The following SLC36A1 variants were observed in gnomAD, a reference collection of about 807,000 sequenced individuals.
SLC36A1 encodes proton-coupled amino acid transporter 1.
A neutral mutation model predicts 47.5 loss-of-function variants in SLC36A1; 30 were observed. The observed-to-expected ratio is 0.63, with a 90% confidence interval of 0.47 to 0.86. SLC36A1 has a LOEUF of 0.86. SLC36A1 is among the 40% of genes least tolerant of loss of function. The pLI is 0.00. For synonymous variants in SLC36A1, 255 were observed against 249.7 expected (o/e 1.02, Z -0.20); for missense variants, 517 against 606.0 (o/e 0.85, Z 1.54).
At chr5:151,353,348 T>C in the SLC36A1 span, among the ~76,000 whole-genome samples, 19 of 152,192 alleles carry the variant, frequency 1.2e-4, no homozygotes, top group Admixed American at 1.2e-3. Flanking sequence ...ATCTAAAATA[T>C]GGTTCCCAGT....
At chr5:151,526,079 G>A in the SLC36A1 span, 1 of 995,048 alleles carries the variant, frequency 1.0e-6, no homozygotes, top group East Asian at 2.6e-5. Context: ...ACTGCTTGTA[G>A]ATGGTGCCTG....
the SLC36A1 span, chr5:151,414,647 T>G: frequency 6.6e-6 from 1 of 152,136 alleles, no homozygotes; most frequent in Non-Finnish European, 1.5e-5. Context: ...CTGGGCTATC[T>G]CGTGCCATCT....
chr5:151,470,322 C>T (rs1757140410), intron 7 of SLC36A1, among the ~76,000 whole-genome samples: 1 of 152,220 alleles, frequency 6.6e-6, no homozygotes, highest in South Asian at 2.1e-4. Context: ...GGTAGTCGGG[C>T]TGTGGTGGTT....
chr5:151,478,781 T>C (rs1275896734), intron 9 of SLC36A1, among the ~76,000 whole-genome samples: 4 of 152,138 alleles, frequency 2.6e-5, no homozygotes, highest in Non-Finnish European at 5.9e-5. Flanking sequence ...TTGAGATGTT[T>C]AGTGTATGAT....
chr5:151,516,220 T>C, the SLC36A1 span, among the ~76,000 whole-genome samples: 1 of 152,136 alleles, frequency 6.6e-6, no homozygotes, highest in Admixed American at 6.5e-5. Flanking sequence ...ATTGTAAAAT[T>C]GTAACTCCGG....
intron 1 of SLC36A1, among the ~76,000 whole-genome samples, chr5:151,449,616 C>T (rs896911750): frequency 6.6e-6 from 1 of 152,128 alleles, no homozygotes; most frequent in African/African-American, 2.4e-5. Context: ...AAAAGGGATT[C>T]CATTTATTTT....
chr5:151,430,331 AT>A, the SLC36A1 span, among the ~76,000 whole-genome samples: 2,781 of 117,446 alleles, frequency 0.024, 59 homozygotes, highest in African/African-American at 0.058. Flanking sequence ...CACCTGGCTA[AT>A]TTTTTTTTTT....
At chr5:151,554,795 T>C in the SLC36A1 span, 1 of 759,100 alleles carries the variant, frequency 1.3e-6, no homozygotes, top group South Asian at 1.8e-5. Context: ...TTTATTATCA[T>C]AACTTCACCT....
chr5:151,552,933 C>G, the SLC36A1 span, among the ~76,000 whole-genome samples: 1 of 152,240 alleles, frequency 6.6e-6, no homozygotes, highest in Non-Finnish European at 1.5e-5. Flanking sequence ...AACTGAGGCA[C>G]TGCCAACTCT....
chr5:151,534,504 G>A, the SLC36A1 span: 1 of 1,614,068 alleles, frequency 6.2e-7, no homozygotes, highest in South Asian at 1.1e-5. Context: ...GAAGAACCGC[G>A]GGGCATTGTC....
intron 7 of SLC36A1, among the ~76,000 whole-genome samples, chr5:151,471,556 A>G (rs1757312687): frequency 1.3e-5 from 2 of 152,166 alleles, no homozygotes; most frequent in African/African-American, 2.4e-5. Context: ...TACATTTGTG[A>G]CTCAGGAATA....
At chr5:151,476,819 G>A (rs1279076818) in intron 9 of SLC36A1, 63 bp downstream of exon 9, 4 of 1,578,628 alleles carry the variant, frequency 2.5e-6, no homozygotes, top group Non-Finnish European at 3.5e-6. Flanking sequence ...ATGGGTCACA[G>A]TGTGGATTCT....
the SLC36A1 span, among the ~76,000 whole-genome samples, chr5:151,349,735 C>A: frequency 6.6e-6 from 1 of 152,162 alleles, no homozygotes; most frequent in African/African-American, 2.4e-5. Context: ...CTCCTATGAT[C>A]CTTTAGAGTA....
At chr5:151,445,636 G>A (rs10067717), upstream of SLC36A1, among the ~76,000 whole-genome samples, 5,633 of 152,306 alleles carry the variant, frequency 0.037, 311 homozygotes, top group African/African-American at 0.12. Flanking sequence ...CAGAAAGTCA[G>A]ATAGTCCCTG....
the SLC36A1 span, among the ~76,000 whole-genome samples, chr5:151,405,734 T>G: frequency 1.3e-5 from 2 of 152,288 alleles, no homozygotes; most frequent in East Asian, 3.9e-4. Context: ...TGGATGGGGC[T>G]TTTTGTTTCT....
At chr5:151,521,075 C>T in the SLC36A1 span, among the ~76,000 whole-genome samples, 81 of 152,290 alleles carry the variant, frequency 5.3e-4, no homozygotes, top group African/African-American at 1.9e-3. Flanking sequence ...TTCTAAATCT[C>T]GAAAGGGAGC....
At chr5:151,359,959 C>A in the SLC36A1 span, among the ~76,000 whole-genome samples, 1 of 152,030 alleles carries the variant, frequency 6.6e-6, no homozygotes, top group Admixed American at 6.5e-5. Context: ...TAGTTTTGGC[C>A]TATTATGAGT....
the SLC36A1 span, among the ~76,000 whole-genome samples, chr5:151,356,865 A>G: frequency 6.6e-6 from 1 of 152,192 alleles, no homozygotes; most frequent in Non-Finnish European, 1.5e-5. Context: ...TTTCCTGTGC[A>G]ATTCCTTATT....
At chr5:151,451,594 G>A (rs1753668809) in intron 1 of SLC36A1, among the ~76,000 whole-genome samples, 2 of 152,148 alleles carry the variant, frequency 1.3e-5, no homozygotes, top group South Asian at 2.1e-4. Flanking sequence ...AATCACAATT[G>A]CTATCATTAA....
Sources: allele counts gnomAD v4.1 joint callset (sites outside exome capture counted in the v4.1 genomes callset), GRCh38; gene constraint gnomAD v4.1.1; transcripts MANE v1.5; gene names NCBI Gene and HGNC (gene_info 2026-07-23, HGNC 2026-07-21).